The following MERTK variants were observed in gnomAD, a reference collection of about 807,000 sequenced individuals.
MERTK encodes tyrosine-protein kinase Mer.
A neutral mutation model predicts 99.3 loss-of-function variants in MERTK; 69 were observed. That is an observed-to-expected ratio of 0.70 (90% confidence interval 0.57 to 0.85). The LOEUF (loss-of-function observed/expected upper bound fraction) is 0.85. Among genes scored for constraint, MERTK ranks in the 40% least tolerant of loss-of-function variants. The pLI, the probability that MERTK is intolerant of heterozygous loss-of-function variation, is 0.00. For missense variants in MERTK, 1,125 were observed against 1,249.4 expected (o/e 0.90, Z 1.50); for synonymous variants, 426 against 467.6 (o/e 0.91, Z 1.15).
intron 6 of MERTK, among the ~76,000 whole-genome samples, chr2:111,971,729 A>G (rs1047250287): frequency 6.6e-6 from 1 of 152,250 alleles, no homozygotes; most frequent in African/African-American, 2.4e-5. Flanking sequence ...CCTAAGTCCT[A>G]TCCTGGAGAA....
At chr2:111,914,464 A>C (rs1684312766) in intron 1 of MERTK, among the ~76,000 whole-genome samples, 1 of 152,000 alleles carries the variant, frequency 6.6e-6, no homozygotes. Flanking sequence ...TTTTTAGTAG[A>C]GACAGGGTTT....
intron 15 of MERTK, among the ~76,000 whole-genome samples, chr2:112,019,137 C>T (rs139498364): frequency 1.3e-5 from 2 of 152,096 alleles, no homozygotes; most frequent in African/African-American, 2.4e-5. Context: ...CACGTTTGAC[C>T]TCATACCTTC....
chr2:111,960,743 A>G (rs900477131), intron 4 of MERTK, among the ~76,000 whole-genome samples: 4 of 151,992 alleles, frequency 2.6e-5, no homozygotes, highest in Non-Finnish European at 5.9e-5. Context: ...TGGGGCTGGT[A>G]GAAGAGTCAT....
chr2:112,029,010 C>T lies in MERTK; in HGVS notation c.*146C>T. ...CACCAGATGAATGTTGTTAAGTAAG[C>T]TGTCATTAAAAATACATAATATATA... On this transcript the variant is annotated 3_prime_UTR_variant, in exon 19 of 19. Transcript: ENST00000295408. 6.6e-7 allele frequency: 1 copy of T among 1,514,492 alleles called. No homozygotes were observed. Among genetic ancestry groups the T allele is most frequent in the East Asian group, 2.5e-5 (1 of 40,604 alleles). 93.8% of individuals were successfully genotyped at this position (1,514,492 alleles called of 1,614,324 possible). A position where few individuals can be genotyped will look rare whatever the true frequency, so the allele number is the denominator to read the frequency against.
intron 17 of MERTK, among the ~76,000 whole-genome samples, chr2:112,021,823 A>G (rs1162533294): frequency 6.6e-6 from 1 of 152,086 alleles, no homozygotes; most frequent in Non-Finnish European, 1.5e-5. Flanking sequence ...ATTTCTTCCC[A>G]TTTTTCCTTG....
At chr2:111,999,013 T>A (rs540424472) in intron 10 of MERTK, among the ~76,000 whole-genome samples, 3 of 152,320 alleles carry the variant, frequency 2.0e-5, no homozygotes, top group Middle Eastern at 3.4e-3. Flanking sequence ...TATATTTTTT[T>A]AAAAATCAGA....
chr2:112,021,835 C>T (rs548268436), intron 17 of MERTK, among the ~76,000 whole-genome samples: 4 of 152,194 alleles, frequency 2.6e-5, no homozygotes, highest in African/African-American at 9.6e-5. Context: ...TTTTCCTTGC[C>T]GTCAAAGGAT....
In MERTK at chr2:111,929,166, G is replaced by A. The variant is rs367707279; in HGVS notation, c.108G>A (p.Pro36=). 60 of 1,613,964 alleles carry A rather than the reference G, an allele frequency of 3.7e-5. No homozygotes were observed. The highest frequency in any genetic ancestry group is 6.7e-5 in the East Asian group (3 of 44,884). Reference sequence around the variant, plus strand: ...AAGCCAAGCCTTACCCGCTATTCCCGGGACCTTTTCCAGGGAGCCTGCAAA... The same window carrying A: ...AAGCCAAGCCTTACCCGCTATTCCCAGGACCTTTTCCAGGGAGCCTGCAAA... The part of the protein sequence containing the change: ...REEAKPYPLF[P]GPFPGSLQTD... Residue 36 remains proline (P), a synonymous_variant, in exon 2 of 19, where the codon CCG becomes CCA. Coordinates refer to ENST00000295408, the MANE Select transcript of MERTK (RefSeq NM_006343.3).
Position 111,944,992 on chromosome 2 carries a change from C to A in MERTK, c.515C>A (p.Ser172Ter). ...ITSVQRSDNG[S>*]YICKMKINNE... is the part of the protein sequence containing the mutation. ...AGTGTGCAGCGTTCAGACAATGGGT[C>A]GTATATCTGTAAGATGAAAATAAAC... Residue 172 changes from serine to a stop codon, truncating the protein, a stop_gained, in exon 3 of 19, where the codon TCG becomes TAG. Coordinates refer to ENST00000295408, the MANE Select transcript of MERTK (RefSeq NM_006343.3). LOFTEE classifies it high-confidence loss of function. 6.2e-7 allele frequency: 1 copy of A among 1,613,564 alleles called. No homozygotes were observed. The highest frequency in any genetic ancestry group is 1.1e-5 in the South Asian group (1 of 91,018).
chr2:112,025,869 C>T lies in MERTK; in HGVS notation c.2487-2482C>T, dbSNP rs543898764. ...CTCAGTGGCGTGAAGTACATTCACACTGTTGTATAACCATCACCACCATCT... is the reference window on the plus strand; with the variant it reads ...CTCAGTGGCGTGAAGTACATTCACATTGTTGTATAACCATCACCACCATCT... On this transcript the variant is annotated intron_variant, in intron 18 of 18. Transcript: ENST00000295408. Among the ~76,000 whole-genome samples, 21 of 152,316 alleles carry T rather than the reference C, an allele frequency of 1.4e-4. No individual in the cohort carries two copies. In the South Asian group the frequency reaches 4.3e-3, roughly 32 times the overall value.
intron 1 of MERTK, among the ~76,000 whole-genome samples, chr2:111,920,581 T>C (rs184013094): frequency 6.6e-6 from 1 of 151,940 alleles, no homozygotes; most frequent in East Asian, 1.9e-4. Context: ...TTTCTTTTTC[T>C]TCTAATGAAG....
chr2:111,910,155 C>A (rs1684215256), intron 1 of MERTK, among the ~76,000 whole-genome samples: 1 of 152,154 alleles, frequency 6.6e-6, no homozygotes, highest in Non-Finnish European at 1.5e-5. Flanking sequence ...GTCATAGCTG[C>A]TCAGCAGGCT....
At chr2:111,944,532 T>TCCTTAAAATAATTCCTCTGTTTTA (rs1684926140) in intron 2 of MERTK, among the ~76,000 whole-genome samples, 5 of 152,294 alleles carry the variant, frequency 3.3e-5, no homozygotes, top group Admixed American at 6.5e-5. Flanking sequence ...TTTAAGGAAT[T>TCCTTAAAATAATTCCTCTGTTTTA]AGCTCACACA....
At chr2:112,019,088 C>A (rs1677278011) in intron 15 of MERTK, among the ~76,000 whole-genome samples, 1 of 152,206 alleles carries the variant, frequency 6.6e-6, no homozygotes, top group Admixed American at 6.5e-5. Context: ...CTGTGCAATG[C>A]GTGTGCTCTG....
chr2:112,000,405 C>T (rs753875939), intron 10 of MERTK, among the ~76,000 whole-genome samples: 1 of 152,204 alleles, frequency 6.6e-6, no homozygotes, highest in South Asian at 2.1e-4. Context: ...TCAGTCATCA[C>T]ATCTCCTTAG....
At position 111,945,476 on chromosome 2, in the gene MERTK, A is replaced by G. The variant is rs149565259; in HGVS notation, c.583+416A>G. On this transcript the variant is annotated intron_variant, in intron 3 of 18. Coordinates refer to ENST00000295408, the MANE Select transcript of MERTK (RefSeq NM_006343.3). ...TTCAGCATCTTTTCCTGTCTTGCCTATGCAGACAGTGAAACCCTGGAGGGT... is the reference window on the plus strand; with the variant it reads ...TTCAGCATCTTTTCCTGTCTTGCCTGTGCAGACAGTGAAACCCTGGAGGGT... Among the ~76,000 whole-genome samples the G allele has an allele frequency of 5.5e-3, 836 of 152,340 alleles. 9 individuals are homozygous for G. The highest frequency in any genetic ancestry group is 0.019 in the African/African-American group (804 of 41,572).
chr2:111,987,429 A>G (rs1395017062), intron 8 of MERTK, among the ~76,000 whole-genome samples: 1 of 152,230 alleles, frequency 6.6e-6, no homozygotes, highest in Non-Finnish European at 1.5e-5. Flanking sequence ...TCCAAAGATA[A>G]GGAACAAATA....
At chr2:111,918,338 C>T (rs954790064) in intron 1 of MERTK, among the ~76,000 whole-genome samples, 1 of 152,172 alleles carries the variant, frequency 6.6e-6, no homozygotes, top group Non-Finnish European at 1.5e-5. Context: ...CCTTAAGGAT[C>T]GGCTTTTTAG....
chr2:112,005,997 C>T (rs1458458874), intron 13 of MERTK, among the ~76,000 whole-genome samples: 2 of 152,170 alleles, frequency 1.3e-5, no homozygotes, highest in Admixed American at 1.3e-4. Flanking sequence ...TCTTCTGCCT[C>T]AGCCTCCTGA....
Sources: gnomAD v4.1 joint callset for allele counts (sites outside exome capture counted in the v4.1 genomes callset) on GRCh38, gnomAD v4.1.1 for gene constraint, MANE v1.5 for transcripts, NCBI Gene and HGNC (gene_info 2026-07-23, HGNC 2026-07-21) for gene names.